The following TDRD7 variants were observed in gnomAD, a reference collection of about 807,000 sequenced individuals.
TDRD7 encodes tudor domain containing 7.
In TDRD7, 47 loss-of-function variants were observed where a neutral mutation model predicts 109.8. The ratio of observed to expected loss-of-function variants is 0.43; its 90% CI spans 0.34 to 0.55. The LOEUF (loss-of-function observed/expected upper bound fraction) is 0.55, where lower values mean the gene tolerates loss of function less well. TDRD7 is among the 20% of genes least tolerant of loss of function. The pLI is 0.03. For synonymous variants in TDRD7, 424 were observed against 457.3 expected, an observed-to-expected ratio of 0.93 and a Z score of 0.93; for missense variants, 1,164 against 1,319.2, an observed-to-expected ratio of 0.88 and a Z score of 1.82.
intron 15 of TDRD7, among the ~76,000 whole-genome samples, chr9:97,483,870 T>C (rs1829166974): frequency 6.6e-6 from 1 of 152,184 alleles, no homozygotes; most frequent in Admixed American, 6.5e-5. Flanking sequence ...CATTTTTCCA[T>C]GTGATAAAAT....
chr9:97,478,286 GTAAA>G (rs1829057894), intron 12 of TDRD7, among the ~76,000 whole-genome samples, 149 bp from the exon 13 acceptor site: 1 of 152,118 alleles, frequency 6.6e-6, no homozygotes, highest in East Asian at 1.9e-4. Context: ...ATAATATTTA[GTAAA>G]TAAATACATT....
At chr9:97,475,506 A>G (rs753548848) in intron 12 of TDRD7, 37 bp downstream of exon 12, 1 of 1,407,012 alleles carries the variant, frequency 7.1e-7, no homozygotes. Flanking sequence ...ATCTTAACTT[A>G]TTGTGAAATA....
Position 97,460,512 on chromosome 9 carries a change from C to T in TDRD7, c.1190C>T (p.Pro397Leu). The T allele has an allele frequency of 6.2e-7, 1 of 1,614,156 alleles. No individual in the cohort carries two copies. The highest frequency in any genetic ancestry group is 8.5e-7 in the Non-Finnish European group (1 of 1,180,020). The change falls in exon 7 of 17, where the codon CCC becomes CTC. Residue 397 changes from proline (P) to leucine (L), a missense_variant. Physicochemically the swap from Pro to Leu is moderately conservative, Grantham distance 98. Coordinates refer to ENST00000355295, the MANE Select transcript of TDRD7 (RefSeq NM_014290.3). ...AGCATAGACTACATTTCTGGAAATCCCCAGAAGGCCATTCTCTATGCTAAA... is the reference window on the plus strand; with the variant it reads ...AGCATAGACTACATTTCTGGAAATCTCCAGAAGGCCATTCTCTATGCTAAA... ...VCSIDYISGN[P>L]QKAILYAKLP...
chr9:97,451,010 C>T (rs538804737), intron 6 of TDRD7, among the ~76,000 whole-genome samples: 1 of 151,688 alleles, frequency 6.6e-6, no homozygotes, highest in South Asian at 2.1e-4. Flanking sequence ...AGGGTTGGGA[C>T]TTTCAGCCCC....
chr9:97,489,958 T>C (rs1170268262), intron 16 of TDRD7, among the ~76,000 whole-genome samples: 1 of 152,092 alleles, frequency 6.6e-6, no homozygotes, highest in Non-Finnish European at 1.5e-5. Context: ...TGTTAATTCC[T>C]TCCTCCAGGC....
chr9:97,460,899 T>A (rs1828707873), intron 7 of TDRD7, 135 bp downstream of exon 7: 1 of 819,628 alleles, frequency 1.2e-6, no homozygotes, highest in South Asian at 1.5e-5. Flanking sequence ...CCCAGCACTT[T>A]GGGAGGCCGA....
intron 16 of TDRD7, among the ~76,000 whole-genome samples, chr9:97,488,678 A>G (rs1258035096): frequency 2.6e-5 from 4 of 151,628 alleles, no homozygotes; most frequent in African/African-American, 4.8e-5. Flanking sequence ...GAATGAGTGC[A>G]TGGTACCATC....
At chr9:97,416,369 C>T (rs909837489) in intron 1 of TDRD7, among the ~76,000 whole-genome samples, 1 of 152,206 alleles carries the variant, frequency 6.6e-6, no homozygotes, top group Non-Finnish European at 1.5e-5. Flanking sequence ...GTTGTGCTTG[C>T]AGTATCCATT....
intron 7 of TDRD7, among the ~76,000 whole-genome samples, chr9:97,463,379 TG>T (rs1240617456): frequency 6.6e-5 from 10 of 151,588 alleles, no homozygotes; most frequent in East Asian, 1.9e-4. Context: ...TTCTGAGTTT[TG>T]TTTTTTTTTT....
intron 1 of TDRD7, among the ~76,000 whole-genome samples, chr9:97,426,398 T>C (rs1827994117): frequency 2.0e-5 from 3 of 152,060 alleles, no homozygotes; most frequent in Admixed American, 1.3e-4. Context: ...ACTATAGACA[T>C]ATGCTGCCAC....
At chr9:97,444,018 TCA>T (rs926245547) in intron 6 of TDRD7, among the ~76,000 whole-genome samples, 4 of 152,194 alleles carry the variant, frequency 2.6e-5, no homozygotes, top group Non-Finnish European at 5.9e-5. Context: ...CTACATGCCT[TCA>T]CAATTCTAGA....
At chr9:97,490,284 A>G (rs1013136654) in intron 16 of TDRD7, among the ~76,000 whole-genome samples, 2 of 152,142 alleles carry the variant, frequency 1.3e-5, no homozygotes, top group African/African-American at 4.8e-5. Context: ...TGTTTGTCTG[A>G]GAGTCTGTAT....
At chr9:97,414,298 A>T (rs1416723990) in intron 1 of TDRD7, among the ~76,000 whole-genome samples, 2 of 152,252 alleles carry the variant, frequency 1.3e-5, no homozygotes, top group Non-Finnish European at 2.9e-5. Flanking sequence ...AGACATGTAT[A>T]TATGCCAATC....
At chr9:97,437,332 G>A (rs1046832108) in intron 4 of TDRD7, among the ~76,000 whole-genome samples, 21 of 152,174 alleles carry the variant, frequency 1.4e-4, no homozygotes, top group African/African-American at 5.1e-4. Flanking sequence ...TTGGCACAGT[G>A]TACTTCCTTC....
At position 97,460,354 on chromosome 9, in the gene TDRD7, A is replaced by G. The variant is rs111320552; in HGVS notation, c.1032A>G (p.Lys344=). 51 of 1,614,210 alleles carry G rather than the reference A, an allele frequency of 3.2e-5. No homozygotes were observed. Among genetic ancestry groups the G allele is most frequent in the African/African-American group, 2.5e-4 (19 of 75,072 alleles). ...PTVMAGDFKE[K]VADLLVKYTS... ...TTATGGCAGGAGACTTTAAAGAAAA[A>G]GTGGCAGACCTGCTGGTGAAATACA... The change falls in exon 7 of 17, where the codon AAA becomes AAG. Residue 344 remains lysine, a synonymous_variant. Transcript: ENST00000355295.
chr9:97,483,383 T>A, intron 15 of TDRD7, 32 bp downstream of exon 15: 1 of 1,609,692 alleles, frequency 6.2e-7, no homozygotes, highest in Non-Finnish European at 8.5e-7. Context: ...TTTATTCTAC[T>A]CCTAAGAAAA....
intron 6 of TDRD7, among the ~76,000 whole-genome samples, chr9:97,452,491 A>G (rs1828515452): frequency 2.0e-5 from 3 of 152,214 alleles, no homozygotes; most frequent in African/African-American, 2.4e-5. Context: ...ATAAACCATT[A>G]AAGACTGGAA....
intron 10 of TDRD7, among the ~76,000 whole-genome samples, chr9:97,473,288 T>C (rs1048713817): frequency 6.6e-6 from 1 of 152,214 alleles, no homozygotes; most frequent in Admixed American, 6.5e-5. Flanking sequence ...ATAAATGATA[T>C]TAGACATTTC....
chr9:97,421,818 C>T (rs1435290329), intron 1 of TDRD7, among the ~76,000 whole-genome samples: 1 of 151,822 alleles, frequency 6.6e-6, no homozygotes, highest in Non-Finnish European at 1.5e-5. Flanking sequence ...GCCTTGGTCT[C>T]CCAAAGTGCT....
Sources: gnomAD v4.1 joint callset for allele counts (sites outside exome capture counted in the v4.1 genomes callset) on GRCh38, gnomAD v4.1.1 for gene constraint, MANE v1.5 for transcripts, NCBI Gene and HGNC (gene_info 2026-07-23, HGNC 2026-07-21) for gene names.